OPRM1: variants seen among roughly 807,000 people sequenced by gnomAD.
OPRM1 encodes mu-type opioid receptor.
OPRM1 carries 27 observed loss-of-function variants against 31.8 expected under a neutral mutation model. The observed-to-expected ratio is 0.85, with a 90% CI of 0.63 to 1.17. The LOEUF (loss-of-function observed/expected upper bound fraction) is 1.17. Ranked by LOEUF, OPRM1 falls within the 50% of genes most tolerant of loss-of-function variation. The probability of loss-of-function intolerance (pLI) is 0.00; values close to 1 mark genes in which losing one functional copy is unlikely to be tolerated. For synonymous variants in OPRM1, 196 were observed against 189.9 expected (o/e 1.03, Z -0.26); for missense variants, 536 against 511.1 (o/e 1.05, Z -0.47).
At position 154,091,153 on chromosome 6, in the gene OPRM1, G is replaced by T. The variant is rs750329231; in HGVS notation, c.845G>T (p.Arg282Met). Residue 282 changes from arginine (R) to methionine (M), a missense_variant, in exon 3 of 4, where the codon AGG becomes ATG. By Grantham distance (91) the Arg-to-Met change is moderately conservative. Coordinates refer to ENST00000330432, the MANE Select transcript of OPRM1 (RefSeq NM_000914.5). ...EKDRNLRRIT[R>M]MVLVVVAVFI... ...GACAGGAATCTTCGAAGGATCACCA[G>T]GATGGTGCTGGTGGTGGTGGCTGTG... 2 of 1,614,196 alleles carry T rather than the reference G, an allele frequency of 1.2e-6. No homozygotes were observed. Among genetic ancestry groups the T allele is most frequent in the South Asian group, 1.1e-5 (1 of 91,080 alleles).
chr6:154,144,198 T>C (rs1295135602), intron 3 of OPRM1, among the ~76,000 whole-genome samples: 1 of 152,162 alleles, frequency 6.6e-6, no homozygotes, highest in Non-Finnish European at 1.5e-5. Context: ...CAAAAAAATG[T>C]CTCCAAGCCC....
rs957578693 is a variant in OPRM1 at position 154,122,834 on chromosome 6, G to A, written c.*4113G>A. Among the ~76,000 whole-genome samples, 2 of 152,126 alleles carry A rather than the reference G, an allele frequency of 1.3e-5. No individual in the cohort carries two copies. Among genetic ancestry groups the A allele is most frequent in the South Asian group, 2.1e-4 (1 of 4,834 alleles). ...TGTGTTCTAAGCGCTTCTGTTACTC[G>A]AAAGGGGTCTGATCCAGACCCCAAA... is the stretch of plus-strand genomic sequence containing the variant. On this transcript the variant is annotated 3_prime_UTR_variant, in exon 4 of 4. Coordinates refer to ENST00000330432, the MANE Select transcript of OPRM1 (RefSeq NM_000914.5).
chr6:154,183,315 A>G (rs1248727338), intron 3 of OPRM1, among the ~76,000 whole-genome samples: 1 of 152,200 alleles, frequency 6.6e-6, no homozygotes, highest in Non-Finnish European at 1.5e-5. Flanking sequence ...TCATTCACTT[A>G]TCGCTATGAC....
intron 3 of OPRM1, among the ~76,000 whole-genome samples, chr6:154,241,785 C>G (rs1160728727): frequency 1.3e-5 from 2 of 152,118 alleles, no homozygotes; most frequent in East Asian, 3.9e-4. Context: ...GCCAATTTCA[C>G]GAGCTCACCT....
chr6:154,229,328 G>A (rs1779517948), intron 3 of OPRM1, among the ~76,000 whole-genome samples: 1 of 150,314 alleles, frequency 6.7e-6, no homozygotes, highest in Non-Finnish European at 1.5e-5. Flanking sequence ...GCAGAAGGCA[G>A]TGTGGAAAAG....
At chr6:154,085,846 C>G (rs922378050) in intron 1 of OPRM1, among the ~76,000 whole-genome samples, 1 of 148,828 alleles carries the variant, frequency 6.7e-6, no homozygotes. Context: ...TTTGCTGGGA[C>G]AACATTCATG....
intron 3 of OPRM1, among the ~76,000 whole-genome samples, chr6:154,166,193 G>C (rs1225309234): frequency 6.6e-6 from 1 of 152,226 alleles, no homozygotes; most frequent in Non-Finnish European, 1.5e-5. Context: ...CCGATACACT[G>C]ACAGAAAAGC....
intron 3 of OPRM1, among the ~76,000 whole-genome samples, chr6:154,219,394 C>T (rs1201826677): frequency 6.6e-6 from 1 of 152,124 alleles, no homozygotes; most frequent in Non-Finnish European, 1.5e-5. Context: ...GAAGCTGGAG[C>T]TACAAGGCAC....
intron 1 of OPRM1, among the ~76,000 whole-genome samples, chr6:154,033,875 G>A (rs962985389): frequency 2.0e-5 from 3 of 152,098 alleles, no homozygotes; most frequent in Non-Finnish European, 4.4e-5. Flanking sequence ...CTTTTTCACT[G>A]TATTGTATTT....
At chr6:154,242,397 G>A (rs1780667552) in intron 3 of OPRM1, among the ~76,000 whole-genome samples, 1 of 152,044 alleles carries the variant, frequency 6.6e-6, no homozygotes, top group African/African-American at 2.4e-5. Flanking sequence ...ATTCCCATGG[G>A]CAACGTAAAT....
intron 1 of OPRM1, among the ~76,000 whole-genome samples, chr6:154,082,452 T>C (rs1011147853): frequency 2.0e-5 from 3 of 152,192 alleles, no homozygotes; most frequent in Non-Finnish European, 4.4e-5. Flanking sequence ...GTCTAAACTT[T>C]CTAGAAATTT....
intron 3 of OPRM1, among the ~76,000 whole-genome samples, chr6:154,140,845 C>A (rs1798187460): frequency 6.6e-6 from 1 of 152,206 alleles, no homozygotes; most frequent in South Asian, 2.1e-4. Context: ...CCTAACTACT[C>A]AGATGCTGTT....
chr6:154,026,105 G>A (rs1046163406), intron 1 of OPRM1, among the ~76,000 whole-genome samples: 4 of 151,948 alleles, frequency 2.6e-5, no homozygotes, highest in African/African-American at 9.7e-5. Flanking sequence ...ACTCCCTTTA[G>A]CATTTCTTGT....
At chr6:154,110,930 C>T (rs1796296733) in intron 3 of OPRM1, among the ~76,000 whole-genome samples, 2 of 144,978 alleles carry the variant, frequency 1.4e-5, no homozygotes, top group South Asian at 4.7e-4. Context: ...GGACTCATTT[C>T]TGGGTTTGAC....
chr6:154,118,768 T>A lies in OPRM1; in HGVS notation c.*47T>A. ...CCTTCACCAAGCTTAGAAGCCACCA[T>A]GTATGTGGAAGCAGGTTGCTTCAAG... On this transcript the variant is annotated 3_prime_UTR_variant, in exon 4 of 4. Transcript: ENST00000330432. The A allele has an allele frequency of 1.2e-6, 2 of 1,609,460 alleles. No homozygotes were observed. The highest frequency in any genetic ancestry group is 2.2e-5 in the South Asian group (2 of 90,430).
chr6:154,181,001 G>C (rs1800824219), intron 3 of OPRM1, among the ~76,000 whole-genome samples: 1 of 151,854 alleles, frequency 6.6e-6, no homozygotes, highest in Non-Finnish European at 1.5e-5. Flanking sequence ...TAGTCATTTG[G>C]GTATTTTGCA....
Position 154,122,151 on chromosome 6 carries a change from C to CCA in OPRM1, c.*3441_*3442dup, listed in dbSNP as rs201430690. Among the ~76,000 whole-genome samples, 27 of 152,044 alleles carry CCA rather than the reference C, an allele frequency of 1.8e-4. No individual in the cohort carries two copies. Among genetic ancestry groups the CCA allele is most frequent in the Non-Finnish European group, 2.8e-4 (19 of 67,986 alleles). ...TTAAGTTTTTCAGCTTCTTAACTGG[C>CCA]CACACACACACAAGTTGTGTTTGTA... On this transcript the variant is annotated 3_prime_UTR_variant, in exon 4 of 4. Transcript: ENST00000330432.
At chr6:154,192,309 A>C in intron 3 of OPRM1, among the ~76,000 whole-genome samples, 1 of 107,350 alleles carries the variant, frequency 9.3e-6, no homozygotes, top group Non-Finnish European at 2.0e-5. Context: ...AATGGTGGCC[A>C]CGTGGTTACT....
intron 3 of OPRM1, among the ~76,000 whole-genome samples, chr6:154,181,963 T>C (rs1295731094): frequency 1.3e-5 from 2 of 152,156 alleles, no homozygotes; most frequent in Non-Finnish European, 2.9e-5. Flanking sequence ...GAGAACACTC[T>C]AGTTGGGAAA....
Sources: allele counts gnomAD v4.1 joint callset (sites outside exome capture counted in the v4.1 genomes callset), GRCh38; gene constraint gnomAD v4.1.1; transcripts MANE v1.5; gene names NCBI Gene and HGNC (gene_info 2026-07-23, HGNC 2026-07-21).